Variants in TMEM223 observed in about 807,000 individuals in gnomAD.
TMEM223 encodes transmembrane protein 223.
TMEM223 carries 14 observed loss-of-function variants against 14.1 expected under a neutral mutation model. The ratio of observed to expected loss-of-function variants is 0.99; its 90% confidence interval spans 0.66 to 1.55. The LOEUF (loss-of-function observed/expected upper bound fraction) is 1.55. Among genes scored for constraint, TMEM223 ranks in the 40% most tolerant of loss-of-function variants. The pLI is 0.00. For missense variants in TMEM223, 346 were observed against 269.9 expected, an observed-to-expected ratio of 1.28 and a Z score of -1.97; for synonymous variants, 145 against 120.5, an observed-to-expected ratio of 1.20 and a Z score of -1.33.
At chr11:62,787,349 C>T (rs1302781970), downstream of TMEM223, 4 of 1,535,414 alleles carry the variant, frequency 2.6e-6, no homozygotes, top group East Asian at 2.3e-5. Flanking sequence ...GAAATGACGT[C>T]TCCACCTTCG....
intron 1 of TMEM223, chr11:62,775,614 T>C (rs1290786066): frequency 1.3e-6 from 1 of 753,040 alleles, no homozygotes; most frequent in East Asian, 2.8e-5. Context: ...GTCTGTTTCC[T>C]TCTCTGAGCC....
downstream of TMEM223, chr11:62,786,244 C>G (rs771970779): frequency 1.9e-6 from 3 of 1,606,112 alleles, no homozygotes; most frequent in Admixed American, 5.0e-5. Context: ...AACTGTATTC[C>G]TTCTCTTCCT....
intron 1 of TMEM223, chr11:62,782,036 C>T (rs2084233655): frequency 2.5e-6 from 4 of 1,597,362 alleles, no homozygotes; most frequent in Non-Finnish European, 3.4e-6. Flanking sequence ...GTGTAGGGCT[C>T]ATGGCAAGTG....
chr11:62,791,605 C>T (rs966524712), intron 1 of TMEM223, 74 bp downstream of exon 1: 5 of 1,429,974 alleles, frequency 3.5e-6, no homozygotes, highest in Non-Finnish European at 2.8e-6. Flanking sequence ...GTCCCTGACT[C>T]TCCCTGCCTG....
exon 3 of TMEM223, chr11:62,772,085 C>T (rs1386108578): frequency 8.8e-6 from 4 of 456,246 alleles, no homozygotes; most frequent in South Asian, 6.2e-5. Context: ...ACTTCATGAT[C>T]TTGGAGAAGT....
chr11:62,775,075 AAAAAAG>A (rs2084176221), intron 1 of TMEM223, among the ~76,000 whole-genome samples: 1 of 151,750 alleles, frequency 6.6e-6, no homozygotes, highest in Non-Finnish European at 1.5e-5. Context: ...AAAAAAAAAA[AAAAAAG>A]AAAAGACTGG....
At chr11:62,788,693 A>G (rs2084320707), downstream of TMEM223, among the ~76,000 whole-genome samples, 2 of 149,558 alleles carry the variant, frequency 1.3e-5, no homozygotes, top group African/African-American at 5.0e-5. Context: ...AAAAAAAAAA[A>G]GCACCTCACA....
chr11:62,771,681 T>TGC, exon 3 of TMEM223: 1 of 193,626 alleles, frequency 5.2e-6, no homozygotes, highest in Non-Finnish European at 1.1e-5. Context: ...GGTGGGAGGA[T>TGC]GCGCGTTGCC....
chr11:62,789,158 C>T (rs1166109379), downstream of TMEM223: 1 of 1,614,094 alleles, frequency 6.2e-7, no homozygotes, highest in East Asian at 2.2e-5. Flanking sequence ...CCTCTACTGC[C>T]TCCTGCTTTT....
At chr11:62,778,339 A>C (rs752145111) in intron 1 of TMEM223, 1 of 1,614,130 alleles carries the variant, frequency 6.2e-7, no homozygotes, top group East Asian at 2.2e-5. Flanking sequence ...GGATCGGGTA[A>C]GGGGTGATGT....
intron 1 of TMEM223, 130 bp from the exon 2 acceptor site, chr11:62,791,045 C>A: frequency 1.0e-6 from 1 of 974,440 alleles, no homozygotes; most frequent in Non-Finnish European, 1.5e-6. Context: ...TTTTTTGAGA[C>A]TGAGTCTCAC....
At chr11:62,789,476 G>A (rs1338238593), downstream of TMEM223, 3 of 1,611,650 alleles carry the variant, frequency 1.9e-6, no homozygotes, top group African/African-American at 2.7e-5. Context: ...CCTTCCCTCT[G>A]CAGCGGGGTC....
chr11:62,791,528 C>T, intron 1 of TMEM223, 151 bp downstream of exon 1: 5 of 1,060,312 alleles, frequency 4.7e-6, no homozygotes, highest in South Asian at 1.7e-5. Flanking sequence ...AGCATTTGAG[C>T]CGCCGCGCCC....
At chr11:62,782,595 A>G (rs2084238504), downstream of TMEM223, 3 of 1,506,196 alleles carry the variant, frequency 2.0e-6, no homozygotes, top group South Asian at 1.3e-5. Flanking sequence ...AGCACTCCCG[A>G]GTGTGCTGTA....
At chr11:62,786,648 CG>C, downstream of TMEM223, 1 of 1,604,452 alleles carries the variant, frequency 6.2e-7, no homozygotes, top group Non-Finnish European at 8.5e-7. Context: ...AGTCGTCCTC[CG>C]GGGGCGGTGC....
downstream of TMEM223, chr11:62,787,090 C>T (rs1177385393): frequency 2.6e-6 from 4 of 1,539,088 alleles, no homozygotes; most frequent in Non-Finnish European, 2.6e-6. Flanking sequence ...TTTCGCCCCG[C>T]GCGGCGCCCC....
In TMEM223 at chr11:62,790,629, G is replaced by A. The variant is rs372765320; in HGVS notation, c.603C>T (p.Ser201=). 3 of 1,605,964 alleles carry A rather than the reference G, an allele frequency of 1.9e-6. No individual in the cohort carries two copies. Among genetic ancestry groups the A allele is most frequent in the African/African-American group, 1.3e-5 (1 of 74,764 alleles). Residue 201 remains serine, a synonymous_variant, in exon 2 of 2, where the codon AGC becomes AGT. Transcript: ENST00000307366. The part of the protein sequence containing the change: ...LFDNTVGAYR[S]L ...GTGACTTGAGGTCATTTCTTCACAA[G>A]CTCCGGTAGGCACCCACAGTATTGT...
intron 1 of TMEM223, chr11:62,782,275 C>T: frequency 6.2e-7 from 1 of 1,614,214 alleles, no homozygotes; most frequent in Non-Finnish European, 8.5e-7. Flanking sequence ...CATCAACCCC[C>T]TGAATGACCA....
At chr11:62,791,442 AGACACAGGGTTT>A (rs1422574499) in intron 1 of TMEM223, among the ~76,000 whole-genome samples, 5 of 151,582 alleles carry the variant, frequency 3.3e-5, no homozygotes, top group African/African-American at 9.8e-5. Context: ...TATTTTTAGT[AGACACAGGGTTT>A]GACGGTGTTA....
Sources: allele counts gnomAD v4.1 joint callset (sites outside exome capture counted in the v4.1 genomes callset), GRCh38; gene constraint gnomAD v4.1.1; transcripts MANE v1.5; gene names NCBI Gene and HGNC (gene_info 2026-07-23, HGNC 2026-07-21).